Variants in CFAP300 observed in about 807,000 individuals in gnomAD.
CFAP300 encodes cilia and flagella associated protein 300.
In CFAP300, 32 loss-of-function variants were observed where a neutral mutation model predicts 33.0. The observed-to-expected ratio is 0.97, with a 90% CI of 0.73 to 1.30. The LOEUF (loss-of-function observed/expected upper bound fraction) is 1.30, where lower values mean the gene tolerates loss of function less well. Ranked by LOEUF, CFAP300 falls within the 50% of genes most tolerant of loss-of-function variation. CFAP300 has a pLI of 0.00. For synonymous variants in CFAP300, 102 were observed against 106.8 expected (o/e 0.95, Z 0.28); for missense variants, 356 against 318.1 (o/e 1.12, Z -0.90).
intron 3 of CFAP300, among the ~76,000 whole-genome samples, chr11:102,064,907 G>A (rs888225875): frequency 1.3e-5 from 2 of 152,078 alleles, no homozygotes; most frequent in African/African-American, 4.8e-5. Flanking sequence ...GATAAATTCA[G>A]GAAATAAGTG....
intron 2 of CFAP300, among the ~76,000 whole-genome samples, chr11:102,056,914 CG>C (rs982251938): frequency 1.3e-5 from 2 of 152,024 alleles, no homozygotes; most frequent in Non-Finnish European, 2.9e-5. Flanking sequence ...CCTGAGCCAC[CG>C]CACCTGGCCC....
chr11:102,069,119 A>G (rs951846036), intron 4 of CFAP300, among the ~76,000 whole-genome samples: 13 of 152,238 alleles, frequency 8.5e-5, no homozygotes, highest in African/African-American at 2.7e-4. Flanking sequence ...TATTGCCATG[A>G]ATAGCACCTT....
chr11:102,069,809 G>GA (rs944646470), intron 4 of CFAP300, among the ~76,000 whole-genome samples: 7 of 151,742 alleles, frequency 4.6e-5, no homozygotes, highest in African/African-American at 1.2e-4. Flanking sequence ...TCTAAAAAAA[G>GA]AAAAAAAATT....
chr11:102,050,933 G>C (rs1270239015), intron 2 of CFAP300, among the ~76,000 whole-genome samples: 1 of 152,214 alleles, frequency 6.6e-6, no homozygotes, highest in Non-Finnish European at 1.5e-5. Context: ...AGGGTGGGTT[G>C]TTAGGACTGA....
At chr11:102,072,201 G>A (rs1482053052) in intron 4 of CFAP300, among the ~76,000 whole-genome samples, 1 of 150,898 alleles carries the variant, frequency 6.6e-6, no homozygotes, top group African/African-American at 2.4e-5. Flanking sequence ...TGTCTGACTG[G>A]GTTACTTCAA....
chr11:102,063,370 G>C (rs1355973004), intron 3 of CFAP300, among the ~76,000 whole-genome samples: 1 of 152,200 alleles, frequency 6.6e-6, no homozygotes, highest in Non-Finnish European at 1.5e-5. Context: ...GCCTATGTCT[G>C]TCCCACCTAT....
intron 1 of CFAP300, 117 bp from the exon 2 acceptor site, chr11:102,047,698 T>G (rs1483012699): frequency 6.9e-7 from 1 of 1,456,238 alleles, no homozygotes; most frequent in Non-Finnish European, 9.3e-7. Context: ...CCCTGAGGCT[T>G]CCTGAGTGAA....
chr11:102,075,931 A>G lies in CFAP300; in HGVS notation c.494A>G (p.Glu165Gly), dbSNP rs753890578. The change falls in exon 5 of 7, where the codon GAG becomes GGG. Residue 165 changes from glutamate to glycine, a missense_variant. Transcript: ENST00000434758. ...YEIFSQPDREEFLFCLFKHLC... is the reference protein window; with the variant it reads ...YEIFSQPDREGFLFCLFKHLC... The stretch of plus-strand genomic sequence containing the variant: ...ATATTCAGCCAACCAGATAGAGAAG[A>G]GTTCCTGTTTTGTCTTTTCAAACAT... 6.2e-7 allele frequency: 1 copy of G among 1,613,906 alleles called. No homozygotes were observed. The highest frequency in any genetic ancestry group is 1.1e-5 in the South Asian group (1 of 91,042).
intron 4 of CFAP300, among the ~76,000 whole-genome samples, chr11:102,072,181 CT>C (rs993352734): frequency 3.9e-4 from 57 of 146,762 alleles, no homozygotes; most frequent in Admixed American, 1.4e-3. Flanking sequence ...TTCTTTTTCT[CT>C]TTTTTTTTTG....
intron 2 of CFAP300, among the ~76,000 whole-genome samples, chr11:102,049,094 T>C (rs1230398625): frequency 2.0e-5 from 3 of 152,134 alleles, no homozygotes; most frequent in South Asian, 4.1e-4. Flanking sequence ...GTAAAGAAAA[T>C]AGGAGGAAAT....
intron 5 of CFAP300, 46 bp downstream of exon 5, chr11:102,076,091 A>G (rs1260790319): frequency 6.5e-7 from 1 of 1,547,240 alleles, no homozygotes; most frequent in Non-Finnish European, 8.7e-7. Flanking sequence ...TTAATAGAAT[A>G]AATTATTTGC....
In CFAP300 at chr11:102,076,050, T is replaced by C; in HGVS notation, c.608+5T>C. On this transcript the variant is annotated splice_donor_5th_base_variant and intron_variant, in intron 5 of 6. Transcript: ENST00000434758. ...TATCTATAAGGATCTGGTGAGGTAA[T>C]GTTGCTAGATCACAATATGTAAATC... The C allele has an allele frequency of 6.2e-7, 1 of 1,602,276 alleles. No homozygotes were observed. Among genetic ancestry groups the C allele is most frequent in the Non-Finnish European group, 8.5e-7 (1 of 1,176,476 alleles).
intron 4 of CFAP300, among the ~76,000 whole-genome samples, chr11:102,069,745 A>G (rs551566592): frequency 2.0e-5 from 3 of 152,190 alleles, no homozygotes; most frequent in Non-Finnish European, 4.4e-5. Flanking sequence ...GGAGGTTGCA[A>G]TAAGCTGAGA....
intron 3 of CFAP300, among the ~76,000 whole-genome samples, chr11:102,059,630 G>A (rs1016318813): frequency 9.2e-5 from 14 of 151,950 alleles, no homozygotes; most frequent in Admixed American, 6.6e-5. Context: ...CCCTGGGTGA[G>A]AGAGCAAGAA....
chr11:102,077,576 C>A (rs989169796), intron 5 of CFAP300, among the ~76,000 whole-genome samples: 1 of 152,034 alleles, frequency 6.6e-6, no homozygotes, highest in African/African-American at 2.4e-5. Flanking sequence ...AAATTTTAAT[C>A]ATTTATTTTT....
rs565642253 is a variant in CFAP300, at chr11:102,055,829, C to T, written c.193-3051C>T. ...CTGGGACTACAGGCGCCCGCCACCA[C>T]GCCCAGATAATTTTTTGTATTTTTA... On this transcript the variant is annotated intron_variant, in intron 2 of 6. Transcript: ENST00000434758. Among the ~76,000 whole-genome samples the T allele has an allele frequency of 5.3e-4, 81 of 152,050 alleles. 1 individual carries two copies. The highest frequency in any genetic ancestry group is 1.5e-3 in the African/African-American group (61 of 41,480).
At chr11:102,072,580 G>C (rs539354983) in intron 4 of CFAP300, among the ~76,000 whole-genome samples, 1 of 152,050 alleles carries the variant, frequency 6.6e-6, no homozygotes, top group East Asian at 1.9e-4. Context: ...TGGGATTACA[G>C]GTGTGAGGTA....
In CFAP300 at chr11:102,084,473, G is replaced by A. The variant is rs890057658; in HGVS notation, c.*1274G>A. 6.6e-6 allele frequency: 1 copy of A among 152,166 alleles called. No homozygotes were observed. The highest frequency in any genetic ancestry group is 2.4e-5 in the African/African-American group (1 of 41,442). The allele number at this position is 152,166 out of a possible 1,614,324, so 9.4% of individuals were successfully genotyped here. A position where few individuals can be genotyped will look rare whatever the true frequency, so the allele number is the denominator to read the frequency against. Reference sequence around the variant, plus strand: ...AACACAATGACTTGGCATATTAAATGTTTATTGAATGAATAACTACTTTCT... The same window carrying A: ...AACACAATGACTTGGCATATTAAATATTTATTGAATGAATAACTACTTTCT... On this transcript the variant is annotated 3_prime_UTR_variant, in exon 7 of 7. Coordinates refer to ENST00000434758, the MANE Select transcript of CFAP300 (RefSeq NM_032930.3).
intron 2 of CFAP300, among the ~76,000 whole-genome samples, chr11:102,057,230 T>G (rs1380865707): frequency 6.7e-6 from 1 of 150,306 alleles, no homozygotes; most frequent in East Asian, 2.0e-4. Flanking sequence ...TCCCAGCTAC[T>G]CAGGAGACTG....
Sources: gnomAD v4.1 joint callset for allele counts (sites outside exome capture counted in the v4.1 genomes callset) on GRCh38, gnomAD v4.1.1 for gene constraint, MANE v1.5 for transcripts, NCBI Gene and HGNC (gene_info 2026-07-23, HGNC 2026-07-21) for gene names.